Variants in TMEM230 observed in about 807,000 individuals in gnomAD.
TMEM230 encodes UPF0414 transmembrane protein C20orf30.
A neutral mutation model predicts 15.8 loss-of-function variants in TMEM230; 10 were observed. The ratio of observed to expected loss-of-function variants is 0.63; its 90% CI spans 0.39 to 1.07. TMEM230 has a LOEUF of 1.07. Ranked by LOEUF, TMEM230 falls within the 50% of genes least tolerant of loss-of-function variation. TMEM230 has a pLI of 0.01. For missense variants in TMEM230, 165 were observed against 193.3 expected (o/e 0.85, Z 0.87); for synonymous variants, 67 against 76.9 (o/e 0.87, Z 0.68).
At chr20:5,087,133 C>T (rs1419147971) in intron 3 of TMEM230, among the ~76,000 whole-genome samples, 1 of 152,186 alleles carries the variant, frequency 6.6e-6, no homozygotes, top group Non-Finnish European at 1.5e-5. Flanking sequence ...CTCAGCCTCA[C>T]AAAGTGCTGG....
chr20:5,088,714 A>G (rs2089427330), intron 3 of TMEM230, among the ~76,000 whole-genome samples: 1 of 151,878 alleles, frequency 6.6e-6, no homozygotes, highest in Non-Finnish European at 1.5e-5. Flanking sequence ...GGGTCTCACT[A>G]TGTTACCCAG....
At chr20:5,107,412 C>A (rs2090138414) in intron 3 of TMEM230, among the ~76,000 whole-genome samples, 1 of 152,138 alleles carries the variant, frequency 6.6e-6, no homozygotes, top group South Asian at 2.1e-4. Context: ...AAGGGACTGG[C>A]AAGAGATGAA....
intron 3 of TMEM230, among the ~76,000 whole-genome samples, chr20:5,072,638 C>T (rs1473239256): frequency 1.3e-5 from 2 of 151,814 alleles, no homozygotes; most frequent in Non-Finnish European, 2.9e-5. Flanking sequence ...CACCTGAGGT[C>T]GGGAGTTCGA....
chr20:5,087,296 C>G (rs1382253207), intron 3 of TMEM230, among the ~76,000 whole-genome samples: 1 of 152,098 alleles, frequency 6.6e-6, no homozygotes, highest in Non-Finnish European at 1.5e-5. Context: ...CCCTCCTAGA[C>G]AACAACCTTC....
At chr20:5,086,266 G>A (rs1174790499) in intron 3 of TMEM230, among the ~76,000 whole-genome samples, 2 of 150,002 alleles carry the variant, frequency 1.3e-5, no homozygotes, top group East Asian at 3.9e-4. Flanking sequence ...GGCCAGCCAC[G>A]GTGGCTCACG....
intron 3 of TMEM230, among the ~76,000 whole-genome samples, chr20:5,091,031 C>T (rs946580943): frequency 6.6e-6 from 1 of 152,048 alleles, no homozygotes; most frequent in African/African-American, 2.4e-5. Flanking sequence ...GGCAGGGTCT[C>T]GCTGTCACCC....
At chr20:5,074,686 C>A (rs1382069631) in intron 3 of TMEM230, among the ~76,000 whole-genome samples, 1 of 152,116 alleles carries the variant, frequency 6.6e-6, no homozygotes, top group Non-Finnish European at 1.5e-5. Context: ...TGCTTGTAAT[C>A]CCTGCACTTT....
chr20:5,112,968 C>G lies in TMEM230; in HGVS notation c.61G>C (p.Ala21Pro). 1.3e-6 allele frequency: 2 copies of G among 1,550,308 alleles called. No individual in the cohort carries two copies. Among genetic ancestry groups the G allele is most frequent in the Non-Finnish European group, 1.7e-6 (2 of 1,147,062 alleles). Residue 21 changes from alanine to proline, a missense_variant, in exon 1 of 5, where the codon GCG becomes CCG. By Grantham distance (27) the Ala-to-Pro change is conservative. Coordinates refer to ENST00000342308, the MANE Select transcript of TMEM230 (RefSeq NM_001009923.2). ...GCCGCACACACGCCTTACCGGAGCG[C>G]CGCGCCAGGCCGCCCGCACACCCAG...
chr20:5,100,422 T>G lies in TMEM230; in HGVS notation c.*369A>C. Reference sequence around the variant, plus strand: ...AATAAATTACTTAATAATAAGAAATTAGCCATACCACATTGTTCCATTTGC... The same window carrying G: ...AATAAATTACTTAATAATAAGAAATGAGCCATACCACATTGTTCCATTTGC... On this transcript the variant is annotated 3_prime_UTR_variant, in exon 5 of 5. Coordinates refer to ENST00000342308, the MANE Select transcript of TMEM230 (RefSeq NM_001009923.2). 1 of 1,000,060 alleles carries G rather than the reference T, an allele frequency of 1.0e-6. No homozygotes were observed. The highest frequency in any genetic ancestry group is 1.2e-6 in the Non-Finnish European group (1 of 838,556). 61.9% of individuals were successfully genotyped at this position (1,000,060 alleles called of 1,614,324 possible).
intron 3 of TMEM230, 32 bp downstream of exon 2, chr20:5,109,300 A>T: frequency 6.5e-7 from 1 of 1,549,750 alleles, no homozygotes; most frequent in South Asian, 1.1e-5. Flanking sequence ...AAACACAGCC[A>T]GTCAGTCTTG....
At chr20:5,099,191 AAAAT>A (rs60562203), downstream of TMEM230, among the ~76,000 whole-genome samples, 1,673 of 112,756 alleles carry the variant, frequency 0.015, 29 homozygotes, top group African/African-American at 0.053. Flanking sequence ...ACTCTGTCTC[AAAAT>A]AAATAAATAA....
chr20:5,099,239 TCAATCAA>T (rs2089761174), downstream of TMEM230, among the ~76,000 whole-genome samples: 1 of 17,836 alleles, frequency 5.6e-5, no homozygotes, highest in South Asian at 4.9e-3. Flanking sequence ...AATAAATCAA[TCAATCAA>T]TAATAAATAA....
intron 3 of TMEM230, among the ~76,000 whole-genome samples, chr20:5,094,115 T>C (rs1175105620): frequency 2.0e-5 from 3 of 151,636 alleles, no homozygotes; most frequent in African/African-American, 7.3e-5. Context: ...CGTGCCACCA[T>C]ACCTGGCTAA....
At chr20:5,062,890 T>C in the TMEM230 span, among the ~76,000 whole-genome samples, 26 of 152,318 alleles carry the variant, frequency 1.7e-4, no homozygotes, top group South Asian at 3.5e-3. Flanking sequence ...CTTTGGTTTA[T>C]AGACTGAGCT....
At chr20:5,098,903 A>C (rs917150844), downstream of TMEM230, among the ~76,000 whole-genome samples, 3 of 152,114 alleles carry the variant, frequency 2.0e-5, no homozygotes, top group Admixed American at 6.6e-5. Flanking sequence ...TATATTAAGA[A>C]ATTTATTTGG....
At chr20:5,083,505 T>G (rs2089244149) in intron 3 of TMEM230, among the ~76,000 whole-genome samples, 1 of 152,126 alleles carries the variant, frequency 6.6e-6, no homozygotes, top group African/African-American at 2.4e-5. Context: ...ATTTTTCTCC[T>G]TCAACCTATT....
chr20:5,105,289 A>AAT (rs1052432377), intron 4 of TMEM230, among the ~76,000 whole-genome samples: 6 of 151,722 alleles, frequency 4.0e-5, no homozygotes, highest in Admixed American at 2.0e-4. Context: ...CTGTCTCCAA[A>AAT]ATATATATAT....
downstream of TMEM230, among the ~76,000 whole-genome samples, chr20:5,099,481 T>C (rs2089772321): frequency 6.6e-6 from 1 of 152,040 alleles, no homozygotes. Context: ...AGTTTTTTTT[T>C]TTTCCTCCAA....
downstream of TMEM230, among the ~76,000 whole-genome samples, chr20:5,098,766 G>A (rs968430279): frequency 6.6e-6 from 1 of 151,816 alleles, no homozygotes; most frequent in Non-Finnish European, 1.5e-5. Context: ...GAATATGACT[G>A]ATCTCCATGG....
Sources: gnomAD v4.1 joint callset for allele counts (sites outside exome capture counted in the v4.1 genomes callset) on GRCh38, gnomAD v4.1.1 for gene constraint, MANE v1.5 for transcripts, NCBI Gene and HGNC (gene_info 2026-07-23, HGNC 2026-07-21) for gene names.